The following POU2F3 variants were observed in gnomAD, a reference collection of about 807,000 sequenced individuals.
POU2F3 encodes the protein POU domain, class 2, transcription factor 3.
In POU2F3, 23 loss-of-function variants were observed where a neutral mutation model predicts 59.2. That is an observed-to-expected ratio of 0.39 (90% CI 0.28 to 0.55). The LOEUF (loss-of-function observed/expected upper bound fraction) is 0.55. POU2F3 is among the 20% of genes least tolerant of loss of function. The probability of loss-of-function intolerance (pLI) is 0.66; values close to 1 mark genes in which losing one functional copy is unlikely to be tolerated. For synonymous variants in POU2F3, 190 were observed against 214.6 expected (o/e 0.89, Z 1.00); for missense variants, 473 against 544.5 (o/e 0.87, Z 1.31).
chr11:120,314,606 C>T (rs889540949), intron 10 of POU2F3, among the ~76,000 whole-genome samples: 3 of 152,100 alleles, frequency 2.0e-5, no homozygotes, highest in Non-Finnish European at 2.9e-5. Context: ...GATAACTTGC[C>T]CAAAGTCACA....
At chr11:120,281,770 C>G (rs1417056828) in intron 3 of POU2F3, among the ~76,000 whole-genome samples, 1 of 152,160 alleles carries the variant, frequency 6.6e-6, no homozygotes, top group Non-Finnish European at 1.5e-5. Flanking sequence ...TGGCATTACA[C>G]AGACCTGGCT....
At position 120,309,437 on chromosome 11, in the gene POU2F3, A is replaced by G. The variant is rs1196534026; in HGVS notation, c.919A>G (p.Ser307Gly). The change falls in exon 10 of 13, where the codon AGC becomes GGC. Residue 307 changes from serine (S) to glycine (G), a missense_variant. Physicochemically the swap from Ser to Gly is moderately conservative, Grantham distance 56. Transcript: ENST00000543440. ...EKRFQDNPKP[S>G]SEEISMIAEQ... Reference sequence around the variant, plus strand: ...TCGGTGCCTATAGAACCCAAAACCCAGCTCGGAGGAGATCTCCATGATTGC... The same window carrying G: ...TCGGTGCCTATAGAACCCAAAACCCGGCTCGGAGGAGATCTCCATGATTGC... The G allele has an allele frequency of 3.1e-6, 5 of 1,613,870 alleles. No individual in the cohort carries two copies. The highest frequency in any genetic ancestry group is 3.4e-6 in the Non-Finnish European group (4 of 1,179,816).
intron 8 of POU2F3, 86 bp from the exon 9 acceptor site, chr11:120,307,393 G>A: frequency 6.7e-7 from 1 of 1,494,378 alleles, no homozygotes; most frequent in South Asian, 1.2e-5. Flanking sequence ...AGCCCATCGG[G>A]AAGGGTTGTT....
At chr11:120,259,402 AAAG>A (rs1939498460) in intron 2 of POU2F3, 1 of 152,218 alleles carries the variant, frequency 6.6e-6, no homozygotes, top group South Asian at 2.1e-4. Flanking sequence ...TGAGTTTAGG[AAAG>A]AAAAAGGGAA....
chr11:120,305,562 G>A (rs555475401), intron 7 of POU2F3, 82 bp from the exon 8 acceptor site: 20 of 1,543,012 alleles, frequency 1.3e-5, no homozygotes, highest in Middle Eastern at 2.3e-4. Context: ...CTGTGTGATC[G>A]ATGCTAGGAC....
At chr11:120,264,287 G>A (rs962634023) in intron 2 of POU2F3, among the ~76,000 whole-genome samples, 1 of 152,034 alleles carries the variant, frequency 6.6e-6, no homozygotes, top group Non-Finnish European at 1.5e-5. Context: ...TGGAGGCTGA[G>A]GTAGGAGGAT....
upstream of POU2F3, among the ~76,000 whole-genome samples, chr11:120,238,768 T>A (rs184592221): frequency 4.1e-3 from 575 of 138,970 alleles, 4 homozygotes; most frequent in African/African-American, 0.015. Context: ...AGGTGGAGGT[T>A]GCAGTGAGCC....
At chr11:120,295,077 T>G (rs1019302010) in intron 3 of POU2F3, among the ~76,000 whole-genome samples, 1 of 152,150 alleles carries the variant, frequency 6.6e-6, no homozygotes, top group Non-Finnish European at 1.5e-5. Flanking sequence ...CGCACTTCAT[T>G]TTTACAACTG....
At chr11:120,276,552 G>A (rs1258998150) in intron 3 of POU2F3, among the ~76,000 whole-genome samples, 2 of 149,350 alleles carry the variant, frequency 1.3e-5, no homozygotes, top group African/African-American at 4.9e-5. Context: ...GTGGACACAG[G>A]ATTTGGGGGT....
intron 2 of POU2F3, chr11:120,255,079 T>C (rs1452229139): frequency 1.1e-4 from 16 of 152,330 alleles, no homozygotes. Context: ...CCCATGTGTC[T>C]CCTTTCCTGC....
chr11:120,287,188 G>C (rs553733106), intron 3 of POU2F3, among the ~76,000 whole-genome samples: 7 of 152,258 alleles, frequency 4.6e-5, no homozygotes, highest in African/African-American at 1.7e-4. Flanking sequence ...ATGGTGGAAA[G>C]AGGGTTGATT....
chr11:120,246,557 G>A lies in POU2F3; in HGVS notation c.97+40G>A, dbSNP rs755421018. ...TTCTCGGGGATGGAGGGGGTGGGGGGAAGAGAGTTGTTGGGAATTGTTGAA... is the reference window on the plus strand; with the variant it reads ...TTCTCGGGGATGGAGGGGGTGGGGGAAAGAGAGTTGTTGGGAATTGTTGAA... On this transcript the variant is annotated intron_variant, in intron 2 of 12. Transcript: ENST00000543440. 8 of 1,596,948 alleles carry A rather than the reference G, an allele frequency of 5.0e-6. No homozygotes were observed. In the East Asian group the frequency reaches 1.3e-4, roughly 27 times the overall value.
chr11:120,281,389 C>G lies in POU2F3; in HGVS notation c.132+12145C>G, dbSNP rs149776810. 4.1e-4 allele frequency among the ~76,000 whole-genome samples: 62 copies of G among 152,096 alleles called. 2 individuals carry two copies. The East Asian group carries it at 0.01, about 26-fold the overall frequency. On this transcript the variant is annotated intron_variant, in intron 3 of 12. Coordinates refer to ENST00000543440, the MANE Select transcript of POU2F3 (RefSeq NM_014352.4). ...CTGCAACTCAGTAGCAGAGCCAGGA[C>G]TTACTCCATTCCCTTTTCTCTGTGA...
chr11:120,277,858 T>A (rs2155809), intron 3 of POU2F3, among the ~76,000 whole-genome samples: 75,618 of 152,138 alleles, frequency 0.5, 24,325 homozygotes, highest in East Asian at 1. Context: ...CAAAGTAATT[T>A]ATAAAACAAT....
At chr11:120,253,881 C>T (rs973261269) in intron 2 of POU2F3, among the ~76,000 whole-genome samples, 1 of 152,180 alleles carries the variant, frequency 6.6e-6, no homozygotes, top group African/African-American at 2.4e-5. Flanking sequence ...CCTCTCACTC[C>T]CTCCCTGGAG....
At chr11:120,257,647 C>T (rs558282638) in intron 2 of POU2F3, among the ~76,000 whole-genome samples, 4 of 152,240 alleles carry the variant, frequency 2.6e-5, no homozygotes, top group African/African-American at 7.2e-5. Flanking sequence ...CGTCACACCA[C>T]GTCATGGAAA....
chr11:120,319,493 T>C lies in POU2F3; in HGVS notation c.*1101T>C, dbSNP rs1246614532. On this transcript the variant is annotated 3_prime_UTR_variant, in exon 13 of 13. Coordinates refer to ENST00000543440, the MANE Select transcript of POU2F3 (RefSeq NM_014352.4). ...AGTCTTGCTCCAGCCCAGGCTGGAGTGCAGTGGCATGATCTTGGCTCACTG... is the reference window on the plus strand; with the variant it reads ...AGTCTTGCTCCAGCCCAGGCTGGAGCGCAGTGGCATGATCTTGGCTCACTG... 7.2e-6 allele frequency: 1 copy of C among 138,276 alleles called. No individual in the cohort carries two copies. The highest frequency in any genetic ancestry group is 7.9e-5 in the Admixed American group (1 of 12,628). 8.6% of individuals were successfully genotyped at this position (138,276 alleles called of 1,614,324 possible). A position where few individuals can be genotyped will look rare whatever the true frequency, so the allele number is the denominator to read the frequency against.
chr11:120,246,825 C>T (rs947389160), intron 2 of POU2F3, among the ~76,000 whole-genome samples: 1 of 152,192 alleles, frequency 6.6e-6, no homozygotes, highest in African/African-American at 2.4e-5. Context: ...CTGGCAGAGG[C>T]AGAACCTGTC....
At chr11:120,282,152 T>C (rs538313999) in intron 3 of POU2F3, among the ~76,000 whole-genome samples, 1 of 152,174 alleles carries the variant, frequency 6.6e-6, no homozygotes, top group Non-Finnish European at 1.5e-5. Context: ...TTCTTCTGAG[T>C]GTTCTTACCT....
Sources: allele counts gnomAD v4.1 joint callset (sites outside exome capture counted in the v4.1 genomes callset), GRCh38; gene constraint gnomAD v4.1.1; transcripts MANE v1.5; gene names NCBI Gene and HGNC (gene_info 2026-07-23, HGNC 2026-07-21).